The following GLI2 variants were observed in gnomAD, a reference collection of about 807,000 sequenced individuals.
GLI2 encodes transcription activator GLI2.
A neutral mutation model predicts 78.9 loss-of-function variants in GLI2; 22 were observed. That is an observed-to-expected ratio of 0.28 (90% CI 0.20 to 0.40). GLI2 has a LOEUF of 0.40. Ranked by LOEUF, GLI2 falls within the 10% of genes least tolerant of loss-of-function variation. The pLI is 1.00. For synonymous variants in GLI2, 974 were observed against 963.7 expected, an observed-to-expected ratio of 1.01 and a Z score of -0.20; for missense variants, 2,097 against 2,213.2, an observed-to-expected ratio of 0.95 and a Z score of 1.05.
intron 2 of GLI2, among the ~76,000 whole-genome samples, chr2:120,901,611 G>C (rs369221421): frequency 6.6e-6 from 1 of 152,202 alleles, no homozygotes; most frequent in Non-Finnish European, 1.5e-5. Flanking sequence ...CAACATCCAC[G>C]GAGTGCACAT....
intron 7 of GLI2, among the ~76,000 whole-genome samples, chr2:120,970,827 A>C (rs1346712867): frequency 1.3e-5 from 2 of 152,218 alleles, no homozygotes; most frequent in Non-Finnish European, 1.5e-5. Flanking sequence ...CTGTCCAAGA[A>C]GCATAATAAG....
intron 2 of GLI2, among the ~76,000 whole-genome samples, chr2:120,882,154 G>C (rs893577856): frequency 6.6e-6 from 1 of 152,144 alleles, no homozygotes; most frequent in Non-Finnish European, 1.5e-5. Context: ...GCTGCCTACA[G>C]TGAACTTGAC....
At chr2:120,955,565 T>A in intron 5 of GLI2, 135 bp downstream of exon 5, 1 of 621,318 alleles carries the variant, frequency 1.6e-6, no homozygotes, top group Non-Finnish European at 2.8e-6. Flanking sequence ...CCTTCCAGGA[T>A]GGCTGTCCAC....
At chr2:120,922,695 C>T (rs1679441186) in intron 2 of GLI2, among the ~76,000 whole-genome samples, 1 of 152,172 alleles carries the variant, frequency 6.6e-6, no homozygotes, top group Non-Finnish European at 1.5e-5. Context: ...GCCACTCTGC[C>T]CTGGCCAACC....
chr2:120,982,871 C>A lies in GLI2; in HGVS notation c.1623C>A (p.His541Gln), dbSNP rs1346980944. ...GCGCCAAGCACCAGAATCGCACCCA[C>A]TCCAACGAGGTACCTCTGCGGGGCA... ...SDRAKHQNRT[H>Q]SNEKPYICKI... Residue 541 changes from histidine to glutamine, a missense_variant, in exon 11 of 14, where the codon CAC becomes CAA. His to Gln is a conservative substitution (Grantham distance 24, BLOSUM62 0). Transcript: ENST00000361492. 1 of 1,613,858 alleles carries A rather than the reference C, an allele frequency of 6.2e-7. No homozygotes were observed. Among genetic ancestry groups the A allele is most frequent in the Non-Finnish European group, 8.5e-7 (1 of 1,179,930 alleles).
At chr2:120,820,038 G>A (rs907840301) in intron 2 of GLI2, among the ~76,000 whole-genome samples, 5 of 152,166 alleles carry the variant, frequency 3.3e-5, no homozygotes, top group Admixed American at 6.5e-5. Flanking sequence ...TGGGAACCTG[G>A]GGAAGGTTGG....
intron 4 of GLI2, among the ~76,000 whole-genome samples, chr2:120,954,273 C>T (rs17005505): frequency 0.039 from 5,935 of 152,070 alleles, 366 homozygotes; most frequent in African/African-American, 0.13. Context: ...GGGATCTCCA[C>T]GGAAGGTTTT....
chr2:120,841,890 A>T (rs377682962), intron 2 of GLI2, among the ~76,000 whole-genome samples: 1 of 92,512 alleles, frequency 1.1e-5, no homozygotes, highest in African/African-American at 5.0e-5. Context: ...TGTGTGTGTG[A>T]TGCTGGGCTC....
intron 2 of GLI2, among the ~76,000 whole-genome samples, chr2:120,894,169 A>G (rs922674147): frequency 5.3e-5 from 8 of 152,170 alleles, no homozygotes; most frequent in Admixed American, 3.9e-4. Context: ...AAAGGCCCCA[A>G]TCTCACCCTG....
chr2:120,931,771 A>T (rs1397384288), intron 3 of GLI2, among the ~76,000 whole-genome samples: 1 of 152,184 alleles, frequency 6.6e-6, no homozygotes, highest in Non-Finnish European at 1.5e-5. Flanking sequence ...CATCCCTGCA[A>T]GGTAGTTACT....
intron 3 of GLI2, among the ~76,000 whole-genome samples, chr2:120,939,727 A>G (rs973129232): frequency 2.6e-5 from 4 of 152,238 alleles, no homozygotes; most frequent in Admixed American, 2.6e-4. Context: ...CTGCAGAAAC[A>G]CTTTTATACC....
intron 2 of GLI2, among the ~76,000 whole-genome samples, chr2:120,852,062 G>T (rs547932171): frequency 3.3e-5 from 5 of 152,334 alleles, no homozygotes; most frequent in South Asian, 2.1e-4. Context: ...GGCCAGAGGT[G>T]GGACAAGGAG....
chr2:120,795,985 G>A (rs552944424), intron 1 of GLI2, among the ~76,000 whole-genome samples: 13 of 151,734 alleles, frequency 8.6e-5, no homozygotes, highest in Non-Finnish European at 7.4e-5. Context: ...CAGAGGTTGC[G>A]GTGAGCCAAG....
At chr2:120,773,537 G>A (rs1440467217) in intron 1 of GLI2, among the ~76,000 whole-genome samples, 5 of 152,204 alleles carry the variant, frequency 3.3e-5, no homozygotes, top group Admixed American at 6.5e-5. Flanking sequence ...TGCTGTCTGC[G>A]GCTGCCAGCT....
At chr2:120,958,834 C>T (rs1390636489) in intron 5 of GLI2, among the ~76,000 whole-genome samples, 1 of 152,220 alleles carries the variant, frequency 6.6e-6, no homozygotes, top group African/African-American at 2.4e-5. Context: ...ACTAGCGGGA[C>T]CCAAGGCGCC....
chr2:120,926,072 CA>C (rs35224973), intron 2 of GLI2, among the ~76,000 whole-genome samples: 1,444 of 63,050 alleles, frequency 0.023, 2 homozygotes, highest in African/African-American at 0.11. Flanking sequence ...GACTCCGTCT[CA>C]AAAAAAAAAA....
At chr2:120,822,023 A>G (rs1261346321) in intron 2 of GLI2, among the ~76,000 whole-genome samples, 4 of 152,204 alleles carry the variant, frequency 2.6e-5, no homozygotes, top group Non-Finnish European at 5.9e-5. Flanking sequence ...CACCTCTGAC[A>G]TGGAGGTGAG....
At chr2:120,913,166 G>A (rs952779010) in intron 2 of GLI2, among the ~76,000 whole-genome samples, 3 of 152,194 alleles carry the variant, frequency 2.0e-5, no homozygotes, top group Admixed American at 2.0e-4. Flanking sequence ...CTTTTACTAA[G>A]CTAGACTAGA....
chr2:120,956,845 G>A (rs1558913536), intron 5 of GLI2, among the ~76,000 whole-genome samples: 1 of 152,136 alleles, frequency 6.6e-6, no homozygotes, highest in Non-Finnish European at 1.5e-5. Flanking sequence ...CTCAGGGTGG[G>A]CTGCTGCCTT....
Sources: allele counts gnomAD v4.1 joint callset (sites outside exome capture counted in the v4.1 genomes callset), GRCh38; gene constraint gnomAD v4.1.1; transcripts MANE v1.5; gene names NCBI Gene and HGNC (gene_info 2026-07-23, HGNC 2026-07-21).